Variants in FAM107B observed in about 807,000 individuals in gnomAD.
FAM107B encodes the protein protein FAM107B.
Under a neutral mutation model 31.5 loss-of-function variants are expected in FAM107B, and 21 were observed. The observed-to-expected ratio is 0.67, with a 90% CI of 0.47 to 0.96. The LOEUF (loss-of-function observed/expected upper bound fraction) is 0.96, where lower values mean the gene tolerates loss of function less well. FAM107B is among the 40% of genes least tolerant of loss of function. The pLI is 0.00. For missense variants in FAM107B, 452 were observed against 377.1 expected (o/e 1.20, Z -1.64); for synonymous variants, 157 against 141.5 (o/e 1.11, Z -0.78).
chr10:14,720,886 G>C (rs1855894733), intron 1 of FAM107B, among the ~76,000 whole-genome samples: 1 of 151,876 alleles, frequency 6.6e-6, no homozygotes, highest in African/African-American at 2.4e-5. Context: ...GGGTACAAGT[G>C]CACAATGTGC....
chr10:14,648,369 C>T (rs187496721), intron 2 of FAM107B, among the ~76,000 whole-genome samples: 22 of 152,366 alleles, frequency 1.4e-4, no homozygotes, highest in African/African-American at 4.1e-4. Context: ...CGGAGAAGTA[C>T]TGAGTGCTAA....
chr10:14,630,728 G>A (rs985309990), intron 2 of FAM107B, among the ~76,000 whole-genome samples: 2 of 151,942 alleles, frequency 1.3e-5, no homozygotes, highest in African/African-American at 2.4e-5. Context: ...GCATTAGCCT[G>A]TAGTCCCAGC....
At chr10:14,683,866 T>C (rs1176091928) in intron 1 of FAM107B, among the ~76,000 whole-genome samples, 1 of 152,236 alleles carries the variant, frequency 6.6e-6, no homozygotes, top group African/African-American at 2.4e-5. Flanking sequence ...TACACATGCA[T>C]GTCCCCCGGC....
intron 1 of FAM107B, among the ~76,000 whole-genome samples, chr10:14,691,452 G>C (rs1202858614): frequency 3.3e-5 from 5 of 152,144 alleles, no homozygotes; most frequent in Admixed American, 6.5e-5. Flanking sequence ...TGCTGCTTCG[G>C]GGTCGAAACT....
intron 2 of FAM107B, among the ~76,000 whole-genome samples, chr10:14,663,169 G>A (rs1008671163): frequency 7.9e-5 from 12 of 152,186 alleles, no homozygotes; most frequent in African/African-American, 2.4e-4. Context: ...CTGCACTGTC[G>A]GCTTCCCTAC....
chr10:14,616,246 A>C (rs1198144071), intron 2 of FAM107B, among the ~76,000 whole-genome samples: 1 of 152,204 alleles, frequency 6.6e-6, no homozygotes, highest in African/African-American at 2.4e-5. Flanking sequence ...GACTCTTCTT[A>C]AGACTCAGTT....
At chr10:14,659,482 G>A (rs1025275463) in intron 2 of FAM107B, among the ~76,000 whole-genome samples, 1 of 147,510 alleles carries the variant, frequency 6.8e-6, no homozygotes, top group African/African-American at 2.5e-5. Context: ...ACAAAAAACT[G>A]TCTGCCCTAA....
At chr10:14,695,714 A>G (rs1476000039) in intron 1 of FAM107B, among the ~76,000 whole-genome samples, 1 of 152,188 alleles carries the variant, frequency 6.6e-6, no homozygotes. Flanking sequence ...GTTGGTTAAG[A>G]TTATTCCTAA....
intron 2 of FAM107B, among the ~76,000 whole-genome samples, chr10:14,644,845 C>T (rs1853713727): frequency 6.6e-6 from 1 of 152,174 alleles, no homozygotes; most frequent in African/African-American, 2.4e-5. Context: ...CTTCCTCTGT[C>T]CCATCATCTT....
At chr10:14,763,167 C>G (rs1833091604) in intron 1 of FAM107B, among the ~76,000 whole-genome samples, 1 of 152,068 alleles carries the variant, frequency 6.6e-6, no homozygotes, top group Admixed American at 6.5e-5. Context: ...GAGGCTGAGG[C>G]AGGAGAGTAG....
rs960644347 is a variant in FAM107B at position 14,669,386 on chromosome 10, G to T, written c.412-1695C>A. ...CTCTGTCAAAAAAAAAAAAAAAAAG[G>T]AAGAAAGAAATGTCCTTTTCGAAGG... On this transcript the variant is annotated intron_variant, in intron 1 of 4. Coordinates refer to ENST00000181796, the MANE Select transcript of FAM107B (RefSeq NM_031453.4). Among the ~76,000 whole-genome samples, 11 of 112,396 alleles carry T rather than the reference G, an allele frequency of 9.8e-5. 2 individuals are homozygous for T. The Admixed American group carries it at 1.0e-3, about 10-fold the overall frequency. 73.7% of individuals were successfully genotyped at this position (112,396 alleles called of 152,430 possible). A position where few individuals can be genotyped will look rare whatever the true frequency, so the allele number is the denominator to read the frequency against.
intron 2 of FAM107B, chr10:14,661,745 T>C (rs751101510): frequency 2.0e-5 from 3 of 152,222 alleles, no homozygotes; most frequent in East Asian, 3.8e-4. Context: ...AGGAAGAGAA[T>C]GATTTTGGTT....
At chr10:14,612,235 T>A (rs546324011) in intron 2 of FAM107B, among the ~76,000 whole-genome samples, 1 of 152,362 alleles carries the variant, frequency 6.6e-6, no homozygotes, top group African/African-American at 2.4e-5. Context: ...AAACTGCTGT[T>A]CAAGTAATAA....
chr10:14,682,904 A>T (rs1588703097), intron 1 of FAM107B, among the ~76,000 whole-genome samples: 1 of 152,078 alleles, frequency 6.6e-6, no homozygotes, highest in Non-Finnish European at 1.5e-5. Flanking sequence ...AAAAAAAAGA[A>T]AAATAAATAA....
intron 2 of FAM107B, among the ~76,000 whole-genome samples, chr10:14,536,839 G>A (rs2130916518): frequency 6.6e-6 from 1 of 152,272 alleles, no homozygotes; most frequent in East Asian, 1.9e-4. Context: ...TTAAAACAAT[G>A]ACGAACTCAA....
chr10:14,765,328 T>C (rs941670625), intron 1 of FAM107B, among the ~76,000 whole-genome samples: 1 of 152,224 alleles, frequency 6.6e-6, no homozygotes, highest in Admixed American at 6.5e-5. Flanking sequence ...CAGTCTTTTA[T>C]GGAGAGTTGC....
At chr10:14,602,076 T>C (rs1470917600) in intron 2 of FAM107B, among the ~76,000 whole-genome samples, 1 of 152,210 alleles carries the variant, frequency 6.6e-6, no homozygotes, top group Non-Finnish European at 1.5e-5. Context: ...ACATTTCCTA[T>C]TGGAGCTTCG....
At chr10:14,670,073 G>A (rs1169109351) in intron 1 of FAM107B, among the ~76,000 whole-genome samples, 1 of 152,080 alleles carries the variant, frequency 6.6e-6, no homozygotes, top group African/African-American at 2.4e-5. Context: ...CAATAAACAT[G>A]TTTTTAAAAA....
chr10:14,732,203 C>T (rs1856190359), intron 1 of FAM107B, among the ~76,000 whole-genome samples: 1 of 152,224 alleles, frequency 6.6e-6, no homozygotes, highest in African/African-American at 2.4e-5. Flanking sequence ...CTTACAACGG[C>T]TATCTCTCTG....
Sources: allele counts gnomAD v4.1 joint callset (sites outside exome capture counted in the v4.1 genomes callset), GRCh38; gene constraint gnomAD v4.1.1; transcripts MANE v1.5; gene names NCBI Gene and HGNC (gene_info 2026-07-23, HGNC 2026-07-21).